DAB1: variants seen among roughly 807,000 people sequenced by gnomAD.
DAB1 encodes the protein disabled homolog 1.
A neutral mutation model predicts 64.6 loss-of-function variants in DAB1; 15 were observed. The ratio of observed to expected loss-of-function variants is 0.23; its 90% confidence interval spans 0.16 to 0.36. DAB1 has a LOEUF of 0.36. Ranked by LOEUF, DAB1 falls within the 10% of genes least tolerant of loss-of-function variation. The probability of loss-of-function intolerance (pLI) is 1.00; values close to 1 mark genes in which losing one functional copy is unlikely to be tolerated. For missense variants in DAB1, 596 were observed against 706.7 expected (o/e 0.84, Z 1.78); for synonymous variants, 235 against 251.9 (o/e 0.93, Z 0.64).
intron 4 of DAB1, among the ~76,000 whole-genome samples, chr1:57,105,270 G>T (rs1315904307): frequency 1.3e-5 from 2 of 151,894 alleles, no homozygotes; most frequent in East Asian, 1.9e-4. Context: ...TGGGGGTGGG[G>T]TGGTGTGAAT....
chr1:57,623,960 CTCT>C, intron 7 of DAB1, among the ~76,000 whole-genome samples: 1 of 152,312 alleles, frequency 6.6e-6, no homozygotes. Flanking sequence ...AAGAATGCTT[CTCT>C]CCTCCACTGA....
intron 5 of DAB1, among the ~76,000 whole-genome samples, chr1:58,150,099 A>C (rs1654835266): frequency 6.6e-6 from 1 of 152,192 alleles, no homozygotes. Flanking sequence ...AATCACTGCA[A>C]AATAAGTGTT....
chr1:57,552,365 A>T (rs1005473699), intron 7 of DAB1, among the ~76,000 whole-genome samples: 1 of 152,176 alleles, frequency 6.6e-6, no homozygotes. Context: ...TCTGCTTTCA[A>T]TTAACTCACT....
At chr1:57,975,651 T>C (rs1243204531) in intron 5 of DAB1, among the ~76,000 whole-genome samples, 3 of 152,212 alleles carry the variant, frequency 2.0e-5, no homozygotes, top group African/African-American at 4.8e-5. Flanking sequence ...TCTCAGGTAC[T>C]ATGCTAAATA....
chr1:58,325,980 C>T (rs954159551), intron 4 of DAB1, among the ~76,000 whole-genome samples: 30 of 152,238 alleles, frequency 2.0e-4, no homozygotes, highest in African/African-American at 6.5e-4. Context: ...CTCTGCCACT[C>T]GGCCACCCCA....
intron 1 of DAB1, chr1:58,530,611 T>G: frequency 1.1e-6 from 1 of 872,226 alleles, no homozygotes; most frequent in Non-Finnish European, 2.0e-6. Context: ...CTCCTGCAAT[T>G]TAGACTGTAT....
At chr1:58,379,135 G>C (rs544157290) in intron 3 of DAB1, among the ~76,000 whole-genome samples, 1 of 150,464 alleles carries the variant, frequency 6.6e-6, no homozygotes, top group African/African-American at 2.5e-5. Flanking sequence ...GAAATCACCC[G>C]TCTTCTGCGT....
intron 1 of DAB1, among the ~76,000 whole-genome samples, chr1:57,408,268 C>T (rs1160932132): frequency 6.8e-6 from 1 of 148,012 alleles, no homozygotes; most frequent in Non-Finnish European, 1.5e-5. Context: ...CTAATGTGTT[C>T]ATAATGCAGA....
At chr1:57,912,252 C>G (rs1644656278) in intron 5 of DAB1, among the ~76,000 whole-genome samples, 1 of 152,290 alleles carries the variant, frequency 6.6e-6, no homozygotes, top group South Asian at 2.1e-4. Context: ...CATTCACAAC[C>G]ATTTGCAGCA....
At chr1:57,607,093 C>A (rs1249995740) in intron 7 of DAB1, among the ~76,000 whole-genome samples, 1 of 151,870 alleles carries the variant, frequency 6.6e-6, no homozygotes, top group Non-Finnish European at 1.5e-5. Context: ...CCAGCCTAAT[C>A]CAATATTTTT....
chr1:57,645,681 T>C (rs1456199104), intron 7 of DAB1, among the ~76,000 whole-genome samples: 1 of 152,204 alleles, frequency 6.6e-6, no homozygotes, highest in Non-Finnish European at 1.5e-5. Context: ...GAAAGTATTA[T>C]TGCTACCTTC....
chr1:57,558,371 T>G (rs2101497102), intron 7 of DAB1, among the ~76,000 whole-genome samples: 1 of 152,264 alleles, frequency 6.6e-6, no homozygotes, highest in Non-Finnish European at 1.5e-5. Flanking sequence ...AACATCCCTG[T>G]TTGCTTCCAG....
chr1:57,130,426 T>C (rs983715907), intron 4 of DAB1, among the ~76,000 whole-genome samples: 4 of 152,066 alleles, frequency 2.6e-5, no homozygotes, highest in Non-Finnish European at 4.4e-5. Flanking sequence ...TCCAAAGAAA[T>C]GAAATCAGTG....
intron 5 of DAB1, among the ~76,000 whole-genome samples, chr1:58,108,207 G>T (rs760703677): frequency 6.6e-6 from 1 of 152,180 alleles, no homozygotes; most frequent in Non-Finnish European, 1.5e-5. Flanking sequence ...ACTCTTTTGA[G>T]AATGAGCCCA....
At chr1:58,004,776 A>G (rs1374644264) in intron 5 of DAB1, among the ~76,000 whole-genome samples, 1 of 152,136 alleles carries the variant, frequency 6.6e-6, no homozygotes, top group Non-Finnish European at 1.5e-5. Context: ...GTTTGTGAGG[A>G]GGAAAGTGGC....
intron 5 of DAB1, among the ~76,000 whole-genome samples, chr1:58,113,332 G>C: frequency 6.6e-6 from 1 of 152,120 alleles, no homozygotes; most frequent in East Asian, 1.9e-4. Flanking sequence ...CAAGGATTCT[G>C]GTTTGGGCAA....
chr1:57,214,910 C>CAAA (rs56175448), intron 2 of DAB1, among the ~76,000 whole-genome samples: 3,628 of 58,682 alleles, frequency 0.062, 530 homozygotes, highest in African/African-American at 0.24. Context: ...GATTCCCTCT[C>CAAA]AAAAAAAAAA....
intron 5 of DAB1, among the ~76,000 whole-genome samples, chr1:57,893,717 C>T (rs1178213636): frequency 6.6e-6 from 1 of 152,102 alleles, no homozygotes; most frequent in Non-Finnish European, 1.5e-5. Flanking sequence ...CTCCCGCCAC[C>T]ACCAGGAATG....
rs548763143 is a variant in DAB1, at chr1:57,155,487, GT to G, written c.68-10059del. On this transcript the variant is annotated intron_variant, in intron 2 of 14. Transcript: ENST00000371236. The stretch of plus-strand genomic sequence containing the variant: ...TTCTTCCAGTTTTGTTTTTGTTTTT[GT>G]TTTTTTTTCTGCTTAGGATGGCTTT... Among the ~76,000 whole-genome samples, 23 of 147,838 alleles carry G rather than the reference GT, an allele frequency of 1.6e-4. No individual in the cohort carries two copies. The South Asian group carries it at 3.0e-3, about 20-fold the overall frequency.
Sources: allele counts gnomAD v4.1 joint callset (sites outside exome capture counted in the v4.1 genomes callset), GRCh38; gene constraint gnomAD v4.1.1; transcripts MANE v1.5; gene names NCBI Gene and HGNC (gene_info 2026-07-23, HGNC 2026-07-21).